MARK2: variants seen among roughly 807,000 people sequenced by gnomAD.
MARK2 encodes the protein microtubule affinity regulating kinase 2, also known as serine/threonine-protein kinase MARK2.
Under a neutral mutation model 89.8 loss-of-function variants are expected in MARK2, and 16 were observed. The ratio of observed to expected loss-of-function variants is 0.18; its 90% CI spans 0.12 to 0.27. The LOEUF is 0.27. Ranked by LOEUF, MARK2 falls within the 10% of genes least tolerant of loss-of-function variation. The pLI is 1.00. For synonymous variants in MARK2, 382 were observed against 399.5 expected (o/e 0.96, Z 0.52); for missense variants, 621 against 1,049.9 (o/e 0.59, Z 5.65).
intron 1 of MARK2, chr11:63,888,435 A>C: frequency 4.1e-6 from 3 of 731,102 alleles, no homozygotes; most frequent in Non-Finnish European, 5.0e-6. Context: ...ACCTCTCGCC[A>C]GCTGTTACCC....
intron 1 of MARK2, among the ~76,000 whole-genome samples, chr11:63,884,783 T>C (rs1021772023): frequency 3.9e-5 from 6 of 152,196 alleles, no homozygotes; most frequent in Non-Finnish European, 8.8e-5. Context: ...TGGCAGTTGA[T>C]AGCGATAGTT....
At chr11:63,844,686 G>T (rs2016191107) in intron 1 of MARK2, among the ~76,000 whole-genome samples, 1 of 152,188 alleles carries the variant, frequency 6.6e-6, no homozygotes, top group South Asian at 2.1e-4. Flanking sequence ...TGCCTATGAG[G>T]TAGGAAAAGA....
At chr11:63,897,104 CT>C (rs562401845) in intron 3 of MARK2, among the ~76,000 whole-genome samples, 68 of 152,342 alleles carry the variant, frequency 4.5e-4, no homozygotes, top group African/African-American at 1.5e-3. Context: ...AGCTAGCCCC[CT>C]CAGGGGTCTA....
intron 2 of MARK2, 92 bp from the exon 3 acceptor site, chr11:63,895,488 A>G: frequency 6.9e-7 from 1 of 1,443,808 alleles, no homozygotes; most frequent in Non-Finnish European, 9.7e-7. Flanking sequence ...GTGGGATGAA[A>G]AGGAGTAAGA....
chr11:63,880,807 A>G lies in MARK2; in HGVS notation c.55-14352A>G, dbSNP rs76370155. ...CTTGGTGATCACTCACTTTTCATCC[A>G]TCACTGGGATAGGGGATCTCGTGGC... is the stretch of plus-strand genomic sequence containing the variant. On this transcript the variant is annotated intron_variant, in intron 1 of 18. Coordinates refer to ENST00000402010, the MANE Select transcript of MARK2 (RefSeq NM_001039469.3). Among the ~76,000 whole-genome samples the G allele has an allele frequency of 4.2e-3, 632 of 152,282 alleles. 6 individuals carry two copies. Among genetic ancestry groups the G allele is most frequent in the African/African-American group, 0.015 (611 of 41,540 alleles).
chr11:63,843,628 ACT>A (rs1448927664), intron 1 of MARK2, among the ~76,000 whole-genome samples: 3 of 150,838 alleles, frequency 2.0e-5, no homozygotes, highest in Non-Finnish European at 3.0e-5. Context: ...TATATATAAA[ACT>A]CTTTTTTTTT....
chr11:63,895,045 C>G, intron 1 of MARK2, 114 bp from the exon 2 acceptor site: 1 of 763,508 alleles, frequency 1.3e-6, no homozygotes, highest in Non-Finnish European at 2.1e-6. Flanking sequence ...TCTTCACATG[C>G]CTACCAGCCC....
At chr11:63,861,020 TCTG>T (rs1411529114) in intron 1 of MARK2, among the ~76,000 whole-genome samples, 1 of 152,216 alleles carries the variant, frequency 6.6e-6, no homozygotes, top group Non-Finnish European at 1.5e-5. Flanking sequence ...AGTCCCATAA[TCTG>T]CTTTTTCCAC....
At chr11:63,854,202 G>A (rs1411043072) in intron 1 of MARK2, among the ~76,000 whole-genome samples, 3 of 147,224 alleles carry the variant, frequency 2.0e-5, no homozygotes, top group African/African-American at 7.5e-5. Flanking sequence ...GTGTGTGTGT[G>A]TGTGTGTGTG....
At chr11:63,883,227 G>A (rs763329110) in intron 1 of MARK2, among the ~76,000 whole-genome samples, 23 of 152,268 alleles carry the variant, frequency 1.5e-4, no homozygotes, top group Non-Finnish European at 2.8e-4. Context: ...GACCACTGTC[G>A]TCATCCTCTG....
intron 17 of MARK2, among the ~76,000 whole-genome samples, 199 bp from the exon 18 acceptor site, chr11:63,908,061 C>A (rs1016396576): frequency 7.9e-5 from 12 of 152,236 alleles, no homozygotes; most frequent in African/African-American, 2.9e-4. Context: ...GGGCTCCCTG[C>A]TGGAAAGGAA....
chr11:63,874,826 A>C (rs534495895), intron 1 of MARK2, among the ~76,000 whole-genome samples: 9 of 152,306 alleles, frequency 5.9e-5, no homozygotes, highest in African/African-American at 2.2e-4. Flanking sequence ...GGTAGAGTGG[A>C]GATACCAGCA....
intron 1 of MARK2, among the ~76,000 whole-genome samples, chr11:63,866,294 G>T (rs1938125706): frequency 6.7e-6 from 1 of 150,254 alleles, no homozygotes; most frequent in Non-Finnish European, 1.5e-5. Context: ...AGAGGTTGCA[G>T]TGAGCAGAGA....
At position 63,909,399 on chromosome 11, in the gene MARK2, G is replaced by A. The variant is rs879400899; in HGVS notation, c.*162G>A. 5 of 706,814 alleles carry A rather than the reference G, an allele frequency of 7.1e-6. No homozygotes were observed. The highest frequency in any genetic ancestry group is 2.2e-5 in the South Asian group (1 of 45,066). 43.8% of individuals were successfully genotyped at this position (706,814 alleles called of 1,614,324 possible). On this transcript the variant is annotated 3_prime_UTR_variant, in exon 19 of 19. Transcript: ENST00000402010. ...TCTCAGTTTTCTCTTACATGTTTGT[G>A]GGGGGTGGGAGATTGTTCTCCAGCA...
chr11:63,841,019 T>C (rs1423363551), intron 1 of MARK2, among the ~76,000 whole-genome samples: 1 of 152,172 alleles, frequency 6.6e-6, no homozygotes, highest in Non-Finnish European at 1.5e-5. Context: ...GTCATACCTT[T>C]CTTGGTGGAG....
At position 63,910,444 on chromosome 11, in the gene MARK2, C is replaced by G. The variant is rs1941678993; in HGVS notation, c.*1207C>G. The G allele has an allele frequency of 1.3e-5, 2 of 152,218 alleles. No homozygotes were observed. The highest frequency in any genetic ancestry group is 4.1e-4 in the South Asian group (2 of 4,834). The allele number at this position is 152,218 out of a possible 1,614,324, so 9.4% of individuals were successfully genotyped here. On this transcript the variant is annotated 3_prime_UTR_variant, in exon 19 of 19. Transcript: ENST00000402010. ...GGTGGGGGACAGATAGGCTAAGCGA[C>G]TCCCAGCTTGCTACCCTCAGTGGCC...
chr11:63,853,904 A>T (rs2016698765), intron 1 of MARK2, among the ~76,000 whole-genome samples: 1 of 151,646 alleles, frequency 6.6e-6, no homozygotes, highest in Admixed American at 6.6e-5. Context: ...ACAGAGTCTC[A>T]CTCTGTCTCC....
chr11:63,866,994 G>C (rs1417654876), intron 1 of MARK2, among the ~76,000 whole-genome samples: 1 of 152,140 alleles, frequency 6.6e-6, no homozygotes, highest in African/African-American at 2.4e-5. Context: ...GAAGAGCTGT[G>C]AACCTGCTGG....
chr11:63,857,420 A>T (rs2016921429), intron 1 of MARK2, among the ~76,000 whole-genome samples: 1 of 152,012 alleles, frequency 6.6e-6, no homozygotes, highest in Non-Finnish European at 1.5e-5. Flanking sequence ...ACCTCAGGTG[A>T]TCTGCCTGCC....
Sources: allele counts gnomAD v4.1 joint callset (sites outside exome capture counted in the v4.1 genomes callset), GRCh38; gene constraint gnomAD v4.1.1; transcripts MANE v1.5; gene names NCBI Gene and HGNC (gene_info 2026-07-23, HGNC 2026-07-21).